The following MAGI3 variants were observed in gnomAD, a reference collection of about 807,000 sequenced individuals.
The protein encoded by MAGI3 is membrane-associated guanylate kinase, WW and PDZ domain-containing protein 3.
A neutral mutation model predicts 121.8 loss-of-function variants in MAGI3; 43 were observed. The ratio of observed to expected loss-of-function variants is 0.35; its 90% CI spans 0.28 to 0.46. The LOEUF is 0.46. Among genes scored for constraint, MAGI3 ranks in the 20% least tolerant of loss-of-function variants. The pLI, the probability that MAGI3 is intolerant of heterozygous loss-of-function variation, is 1.00. For missense variants in MAGI3, 1,547 were observed against 1,797.3 expected, an observed-to-expected ratio of 0.86 and a Z score of 2.52; for synonymous variants, 553 against 639.3, an observed-to-expected ratio of 0.86 and a Z score of 2.04.
In MAGI3 at chr1:113,669,046, C is replaced by T. The variant is rs568924494; in HGVS notation, c.2816-2688C>T. 3.3e-5 allele frequency among the ~76,000 whole-genome samples: 5 copies of T among 152,282 alleles called. No individual in the cohort carries two copies. In the South Asian group the frequency reaches 6.2e-4, roughly 19 times the overall value. On this transcript the variant is annotated intron_variant, in intron 16 of 20. Transcript: ENST00000307546. Reference sequence around the variant, plus strand: ...CTCATTACAATAGCCAAGCTAGTAACGCCGATAAATTATCTCTCTTGACCA... The same window carrying T: ...CTCATTACAATAGCCAAGCTAGTAATGCCGATAAATTATCTCTCTTGACCA...
At chr1:113,636,860 T>C (rs1021671255) in intron 9 of MAGI3, among the ~76,000 whole-genome samples, 1 of 152,038 alleles carries the variant, frequency 6.6e-6, no homozygotes, top group African/African-American at 2.4e-5. Context: ...TGTGTGGGAG[T>C]CTAAATCTCT....
intron 9 of MAGI3, among the ~76,000 whole-genome samples, chr1:113,635,510 T>C (rs1651950909): frequency 6.6e-6 from 1 of 152,210 alleles, no homozygotes; most frequent in Non-Finnish European, 1.5e-5. Context: ...TTGGTTCTGT[T>C]TATATGCTGG....
chr1:113,584,064 C>G (rs1204491636), intron 3 of MAGI3, among the ~76,000 whole-genome samples: 1 of 151,968 alleles, frequency 6.6e-6, no homozygotes, highest in Non-Finnish European at 1.5e-5. Context: ...TATTTTCTAT[C>G]TAGGAAAAAA....
intron 7 of MAGI3, among the ~76,000 whole-genome samples, chr1:113,616,123 C>T (rs1358054612): frequency 6.6e-6 from 1 of 152,092 alleles, no homozygotes; most frequent in Non-Finnish European, 1.5e-5. Flanking sequence ...ATGATCTGGT[C>T]CCCATTATGC....
Position 113,668,727 on chromosome 1 carries a change from C to T in MAGI3, c.2816-3007C>T, listed in dbSNP as rs574458801. On this transcript the variant is annotated intron_variant, in intron 16 of 20. Transcript: ENST00000307546. ...CCTCCCGAGTAGCTGGGACTACAGG[C>T]GCCCGCCACCGCGCCCGGCTAATTT... is the stretch of plus-strand genomic sequence containing the variant. 1.9e-4 allele frequency among the ~76,000 whole-genome samples: 29 copies of T among 151,410 alleles called. No individual in the cohort carries two copies. In the South Asian group the frequency reaches 3.8e-3, roughly 20 times the overall value.
intron 1 of MAGI3, among the ~76,000 whole-genome samples, chr1:113,396,440 TA>T (rs1395047823): frequency 6.6e-6 from 1 of 152,156 alleles, no homozygotes; most frequent in Non-Finnish European, 1.5e-5. Flanking sequence ...TTTTGGTAGA[TA>T]GAGTGAATGC....
intron 16 of MAGI3, among the ~76,000 whole-genome samples, chr1:113,671,149 T>A (rs189403051): frequency 0.012 from 1,825 of 152,320 alleles, 40 homozygotes; most frequent in African/African-American, 0.041. Context: ...GTAATGTTTT[T>A]CACCTATATT....
chr1:113,622,635 AT>A (rs924823109), intron 8 of MAGI3, among the ~76,000 whole-genome samples, 170 bp from the exon 9 acceptor site: 21 of 152,210 alleles, frequency 1.4e-4, no homozygotes, highest in African/African-American at 5.1e-4. Context: ...TAAAGGTTGT[AT>A]CATTTTGACT....
intron 9 of MAGI3, among the ~76,000 whole-genome samples, chr1:113,633,046 C>G (rs1238262339): frequency 9.8e-6 from 1 of 102,094 alleles, no homozygotes; most frequent in Non-Finnish European, 1.9e-5. Flanking sequence ...AATGCTATCC[C>G]TCCCCCCTCC....
intron 9 of MAGI3, among the ~76,000 whole-genome samples, chr1:113,629,520 C>T (rs1651463552): frequency 6.6e-6 from 1 of 152,106 alleles, no homozygotes; most frequent in African/African-American, 2.4e-5. Context: ...AAGAGTTAGG[C>T]ATTTATTGTA....
intron 11 of MAGI3, 60 bp downstream of exon 11, chr1:113,643,834 C>A (rs1652687001): frequency 6.7e-7 from 1 of 1,496,138 alleles, no homozygotes. Flanking sequence ...TGCCACATTC[C>A]CCTCTGTAAG....
intron 6 of MAGI3, among the ~76,000 whole-genome samples, chr1:113,604,697 T>C (rs1649641841): frequency 6.7e-6 from 1 of 148,660 alleles, no homozygotes; most frequent in East Asian, 2.0e-4. Context: ...GAGCTGGAGG[T>C]CATTATTCTA....
chr1:113,627,832 A>G (rs1212021715), intron 9 of MAGI3, among the ~76,000 whole-genome samples: 1 of 151,890 alleles, frequency 6.6e-6, no homozygotes, highest in Admixed American at 6.6e-5. Context: ...ATATAAATGT[A>G]GCTACTGCTA....
At chr1:113,535,580 A>G (rs988458351) in intron 1 of MAGI3, among the ~76,000 whole-genome samples, 4 of 152,132 alleles carry the variant, frequency 2.6e-5, no homozygotes, top group Admixed American at 2.0e-4. Context: ...TTACATTTGT[A>G]TTTGAATATT....
chr1:113,676,146 A>G (rs1212322212), intron 19 of MAGI3, among the ~76,000 whole-genome samples: 1 of 151,886 alleles, frequency 6.6e-6, no homozygotes, highest in Non-Finnish European at 1.5e-5. Flanking sequence ...TAGTGTCACA[A>G]AAATCCAATT....
chr1:113,513,861 AT>A (rs1256949263), intron 1 of MAGI3, among the ~76,000 whole-genome samples: 1 of 152,142 alleles, frequency 6.6e-6, no homozygotes, highest in East Asian at 1.9e-4. Context: ...ACAGGAGAAA[AT>A]TTTTGCAACC....
At position 113,424,398 on chromosome 1, in the gene MAGI3, A is replaced by G. The variant is rs371423302; in HGVS notation, c.316+33049A>G. Among the ~76,000 whole-genome samples the G allele has an allele frequency of 1.3e-3, 204 of 151,896 alleles. 6 individuals carry two copies. Among genetic ancestry groups the G allele is most frequent in the Non-Finnish European group, 2.9e-4 (20 of 67,976 alleles). On this transcript the variant is annotated intron_variant, in intron 1 of 20. Transcript: ENST00000307546. ...CTTATTACTGCTCTTTTAGAACCAT[A>G]CCCACCTCTTTGCCACCCCTCCTTC...
intron 1 of MAGI3, among the ~76,000 whole-genome samples, chr1:113,469,676 C>T (rs1655451326): frequency 1.3e-5 from 2 of 151,668 alleles, no homozygotes; most frequent in Admixed American, 6.6e-5. Context: ...TATAGTGGTC[C>T]CAAGAATCAA....
intron 14 of MAGI3, among the ~76,000 whole-genome samples, chr1:113,652,852 TC>T (rs1653250555): frequency 6.6e-6 from 1 of 152,172 alleles, no homozygotes; most frequent in African/African-American, 2.4e-5. Context: ...TCTGATGTCA[TC>T]CTTGAAGAGC....
Sources: allele counts gnomAD v4.1 joint callset (sites outside exome capture counted in the v4.1 genomes callset), GRCh38; gene constraint gnomAD v4.1.1; transcripts MANE v1.5; gene names NCBI Gene and HGNC (gene_info 2026-07-23, HGNC 2026-07-21).